The following TBC1D32 variants were observed in gnomAD, a reference collection of about 807,000 sequenced individuals.
The protein encoded by TBC1D32 is TBC1 domain family member 32.
A neutral mutation model predicts 170.3 loss-of-function variants in TBC1D32; 151 were observed. The ratio of observed to expected loss-of-function variants is 0.89; its 90% CI spans 0.78 to 1.01. TBC1D32 has a LOEUF of 1.01. Among genes scored for constraint, TBC1D32 ranks in the 50% least tolerant of loss-of-function variants. The probability of loss-of-function intolerance (pLI) is 0.00; values close to 1 mark genes in which losing one functional copy is unlikely to be tolerated. For missense variants in TBC1D32, 1,464 were observed against 1,457.1 expected (o/e 1.00, Z -0.08); for synonymous variants, 498 against 488.0 (o/e 1.02, Z -0.27).
intron 15 of TBC1D32, among the ~76,000 whole-genome samples, chr6:121,277,692 C>A (rs1802418416): frequency 6.6e-6 from 1 of 151,248 alleles, no homozygotes; most frequent in African/African-American, 2.4e-5. Context: ...TAAAACGAAT[C>A]ATGTAAGCTT....
intron 26 of TBC1D32, among the ~76,000 whole-genome samples, chr6:121,125,965 G>A (rs1044814506): frequency 1.3e-5 from 2 of 152,272 alleles, no homozygotes; most frequent in Admixed American, 1.3e-4. Context: ...TCCAGGTGAT[G>A]TTTACTTACT....
chr6:121,216,524 A>G (rs1236569923), intron 21 of TBC1D32, among the ~76,000 whole-genome samples: 1 of 151,950 alleles, frequency 6.6e-6, no homozygotes, highest in African/African-American at 2.4e-5. Context: ...TTTCTGGAGG[A>G]CTCTATTTCT....
At chr6:121,193,508 C>A (rs891852896) in intron 22 of TBC1D32, among the ~76,000 whole-genome samples, 1 of 152,166 alleles carries the variant, frequency 6.6e-6, no homozygotes, top group African/African-American at 2.4e-5. Flanking sequence ...TATGTCAGGT[C>A]TAACAGTGGG....
intron 1 of TBC1D32, among the ~76,000 whole-genome samples, chr6:121,324,650 T>C (rs994721464): frequency 2.2e-4 from 34 of 152,240 alleles, no homozygotes; most frequent in Middle Eastern, 3.2e-3. Flanking sequence ...CTTATATTAT[T>C]TGAAGATCTT....
intron 22 of TBC1D32, among the ~76,000 whole-genome samples, chr6:121,171,723 G>A (rs757742636): frequency 6.6e-6 from 1 of 152,220 alleles, no homozygotes; most frequent in East Asian, 1.9e-4. Flanking sequence ...ATAAAGATGA[G>A]TGGTGGGCAC....
Position 121,321,547 on chromosome 6 carries a change from T to C in TBC1D32, c.317+86A>G, listed in dbSNP as rs375346804. On this transcript the variant is annotated intron_variant, in intron 2 of 31. Coordinates refer to ENST00000398212, the MANE Select transcript of TBC1D32 (RefSeq NM_152730.6). Reference sequence around the variant, plus strand: ...ATCATTCTGGCTGCTATGAGGGAAATAGACTGTGAGGGACAGAGATCAGGG... The same window carrying C: ...ATCATTCTGGCTGCTATGAGGGAAACAGACTGTGAGGGACAGAGATCAGGG... The C allele has an allele frequency of 3.6e-3, 4,612 of 1,282,454 alleles. 11 individuals carry two copies. Among genetic ancestry groups the C allele is most frequent in the Middle Eastern group, 0.014 (71 of 5,102 alleles). 79.4% of individuals were successfully genotyped at this position (1,282,454 alleles called of 1,614,324 possible). A position where few individuals can be genotyped will look rare whatever the true frequency, so the allele number is the denominator to read the frequency against.
intron 20 of TBC1D32, among the ~76,000 whole-genome samples, chr6:121,235,507 T>C (rs1796227839): frequency 6.6e-6 from 1 of 152,048 alleles, no homozygotes. Flanking sequence ...TCCTGAGTCA[T>C]ACAAATCACC....
intron 22 of TBC1D32, among the ~76,000 whole-genome samples, chr6:121,172,806 C>T (rs1445924251): frequency 6.6e-6 from 1 of 152,152 alleles, no homozygotes; most frequent in Non-Finnish European, 1.5e-5. Context: ...GACTTCATAT[C>T]AGCATTTAAG....
intron 15 of TBC1D32, among the ~76,000 whole-genome samples, chr6:121,259,050 C>T (rs1799420969): frequency 6.6e-6 from 1 of 151,828 alleles, no homozygotes; most frequent in Non-Finnish European, 1.5e-5. Flanking sequence ...GTAATCCCAG[C>T]ACTTTCGGAG....
intron 1 of TBC1D32, among the ~76,000 whole-genome samples, chr6:121,324,979 G>A (rs372555835): frequency 2.6e-5 from 4 of 152,176 alleles, no homozygotes; most frequent in African/African-American, 9.7e-5. Flanking sequence ...GGAGGCCGAA[G>A]CAGGTGGATC....
intron 24 of TBC1D32, among the ~76,000 whole-genome samples, chr6:121,144,306 G>A (rs1264334015): frequency 6.6e-6 from 1 of 152,158 alleles, no homozygotes; most frequent in Admixed American, 6.5e-5. Flanking sequence ...TCGATTAGAA[G>A]AGTAATATGA....
At chr6:121,149,880 T>C (rs1227887168) in intron 24 of TBC1D32, among the ~76,000 whole-genome samples, 3 of 152,254 alleles carry the variant, frequency 2.0e-5, no homozygotes, top group Non-Finnish European at 2.9e-5. Flanking sequence ...TGATTATTCC[T>C]ATGCATGAGC....
At chr6:121,320,891 C>T (rs185395332) in intron 2 of TBC1D32, among the ~76,000 whole-genome samples, 46 of 152,166 alleles carry the variant, frequency 3.0e-4, no homozygotes, top group Admixed American at 3.3e-4. Flanking sequence ...TTTCAAATGA[C>T]ATCATGTAAT....
At chr6:121,092,269 A>G (rs956602840) in intron 30 of TBC1D32, among the ~76,000 whole-genome samples, 1 of 139,440 alleles carries the variant, frequency 7.2e-6, no homozygotes, top group African/African-American at 2.7e-5. Context: ...CCCTTATTGA[A>G]TATCTCTTCT....
chr6:121,269,525 A>C (rs949386670), intron 15 of TBC1D32, among the ~76,000 whole-genome samples: 19 of 152,218 alleles, frequency 1.2e-4, no homozygotes, highest in African/African-American at 4.3e-4. Flanking sequence ...AGGACATTAC[A>C]TAATGGTAAA....
At chr6:121,183,336 C>A (rs1332430416) in intron 22 of TBC1D32, among the ~76,000 whole-genome samples, 1 of 152,030 alleles carries the variant, frequency 6.6e-6, no homozygotes, top group East Asian at 1.9e-4. Flanking sequence ...AGTCTAGTAC[C>A]CTTGAGGATA....
chr6:121,331,467 G>C (rs1277108784), intron 1 of TBC1D32, among the ~76,000 whole-genome samples: 1 of 151,180 alleles, frequency 6.6e-6, no homozygotes, highest in African/African-American at 2.4e-5. Context: ...TGATTCACCT[G>C]CCTTGGCCTC....
intron 20 of TBC1D32, among the ~76,000 whole-genome samples, chr6:121,235,649 G>C (rs1227185142): frequency 6.6e-6 from 1 of 152,196 alleles, no homozygotes; most frequent in Non-Finnish European, 1.5e-5. Flanking sequence ...TGGTGATCAG[G>C]GCGGAGAACT....
rs542910992 is a variant in TBC1D32 at position 121,248,676 on chromosome 6, C to T, written c.2019-6337G>A. 6.6e-5 allele frequency among the ~76,000 whole-genome samples: 10 copies of T among 151,678 alleles called. No individual in the cohort carries two copies. In the East Asian group the frequency reaches 1.2e-3, roughly 18 times the overall value. ...GATCATTCAAGGCTACTATGAACAC[C>T]TTTATGTGCACAAACTAGAAAATCT... is the stretch of plus-strand genomic sequence containing the variant. On this transcript the variant is annotated intron_variant, in intron 17 of 31. Transcript: ENST00000398212.
Sources: allele counts gnomAD v4.1 joint callset (sites outside exome capture counted in the v4.1 genomes callset), GRCh38; gene constraint gnomAD v4.1.1; transcripts MANE v1.5; gene names NCBI Gene and HGNC (gene_info 2026-07-23, HGNC 2026-07-21).